Variants in CD163L1 observed in about 807,000 individuals in gnomAD.
CD163L1 encodes scavenger receptor cysteine-rich type 1 protein M160.
Under a neutral mutation model 165.4 loss-of-function variants are expected in CD163L1, and 124 were observed. The ratio of observed to expected loss-of-function variants is 0.75; its 90% CI spans 0.65 to 0.87. The LOEUF is 0.87. Ranked by LOEUF, CD163L1 falls within the 40% of genes least tolerant of loss-of-function variation. CD163L1 has a pLI of 0.00. For missense variants in CD163L1, 1,525 were observed against 1,799.9 expected (o/e 0.85, Z 2.76); for synonymous variants, 585 against 662.2 (o/e 0.88, Z 1.79).
At chr12:7,340,251 A>G in the CD163L1 span, among the ~76,000 whole-genome samples, 1 of 152,160 alleles carries the variant, frequency 6.6e-6, no homozygotes, top group Non-Finnish European at 1.5e-5. Context: ...GAGATAAGTA[A>G]AACAGGGTGA....
chr12:7,333,452 G>C, the CD163L1 span, among the ~76,000 whole-genome samples: 1 of 152,116 alleles, frequency 6.6e-6, no homozygotes, highest in African/African-American at 2.4e-5. Context: ...TGAGAACAAA[G>C]ACACAACATA....
chr12:7,428,624 T>C (rs1382991986), intron 4 of CD163L1, among the ~76,000 whole-genome samples: 1 of 152,058 alleles, frequency 6.6e-6, no homozygotes, highest in Non-Finnish European at 1.5e-5. Flanking sequence ...CATTCTCCCA[T>C]TCAGCTGTAC....
chr12:7,437,324 ATT>A (rs772879851), intron 2 of CD163L1, among the ~76,000 whole-genome samples: 1 of 22,542 alleles, frequency 4.4e-5, no homozygotes, highest in African/African-American at 8.0e-5. Flanking sequence ...TATTATTTTT[ATT>A]TTTATTTTTA....
the CD163L1 span, among the ~76,000 whole-genome samples, chr12:7,334,302 C>T: frequency 4.6e-5 from 7 of 151,910 alleles, 1 homozygote; most frequent in South Asian, 4.2e-4. Context: ...ATGATCAAGT[C>T]GGCTTCATCC....
At chr12:7,380,376 T>TGTATGTGTGTATACGCGTATACATACAC (rs1409740184) in intron 8 of CD163L1, among the ~76,000 whole-genome samples, 15 of 141,002 alleles carry the variant, frequency 1.1e-4, no homozygotes, top group Non-Finnish European at 1.6e-4. Context: ...TATACATACA[T>TGTATGTGTGTATACGCGTATACATACAC]GTATGTGTGT....
intron 4 of CD163L1, among the ~76,000 whole-genome samples, chr12:7,419,353 T>C (rs1460843203): frequency 6.6e-6 from 1 of 152,052 alleles, no homozygotes; most frequent in Non-Finnish European, 1.5e-5. Flanking sequence ...AGAAGGGATA[T>C]AACTTAAGGT....
intron 4 of CD163L1, among the ~76,000 whole-genome samples, chr12:7,413,319 C>T (rs929374685): frequency 6.6e-6 from 1 of 151,966 alleles, no homozygotes; most frequent in Non-Finnish European, 1.5e-5. Context: ...GGAACATTTC[C>T]CAAGAGGCCC....
intron 8 of CD163L1, among the ~76,000 whole-genome samples, chr12:7,393,601 G>C (rs1947708956): frequency 6.6e-6 from 1 of 152,096 alleles, no homozygotes; most frequent in African/African-American, 2.4e-5. Context: ...AGAAATAAAG[G>C]GTATTCAGTT....
chr12:7,348,826 T>TC (rs925947605), intron 4 of CD163L1, among the ~76,000 whole-genome samples: 2 of 151,854 alleles, frequency 1.3e-5, no homozygotes, highest in Non-Finnish European at 2.9e-5. Flanking sequence ...TTTTTTTTTT[T>TC]TCAAAATAAA....
intron 14 of CD163L1, among the ~76,000 whole-genome samples, chr12:7,370,098 C>T (rs185744337): frequency 6.6e-6 from 1 of 152,278 alleles, no homozygotes; most frequent in East Asian, 1.9e-4. Context: ...CTCCAATTAT[C>T]AGTCCTTTCT....
the CD163L1 span, among the ~76,000 whole-genome samples, chr12:7,329,557 C>G: frequency 6.6e-6 from 1 of 151,682 alleles, no homozygotes; most frequent in Admixed American, 6.6e-5. Flanking sequence ...ACATTCTTTC[C>G]TCTATAAAGC....
chr12:7,404,802 A>G (rs1415814860), intron 5 of CD163L1, among the ~76,000 whole-genome samples: 1 of 152,116 alleles, frequency 6.6e-6, no homozygotes, highest in Non-Finnish European at 1.5e-5. Context: ...CCTGTTGAGA[A>G]CTTCCTGGTT....
intron 4 of CD163L1, among the ~76,000 whole-genome samples, chr12:7,411,820 G>A (rs1948143184): frequency 6.6e-6 from 1 of 152,212 alleles, no homozygotes; most frequent in South Asian, 2.1e-4. Flanking sequence ...AAAGCAGGAT[G>A]TATGAAACAT....
At chr12:7,348,766 G>A (rs747417244) in intron 4 of CD163L1, among the ~76,000 whole-genome samples, 1 of 150,448 alleles carries the variant, frequency 6.6e-6, no homozygotes, top group South Asian at 2.1e-4. Context: ...ACTTAGGTTA[G>A]AGGAAAGCTG....
the CD163L1 span, among the ~76,000 whole-genome samples, chr12:7,327,685 A>C: frequency 6.6e-6 from 1 of 152,178 alleles, no homozygotes; most frequent in Non-Finnish European, 1.5e-5. Flanking sequence ...GTTTCAGTCA[A>C]AAAGTAGTTA....
At chr12:7,377,893 A>G (rs1041736772) in intron 9 of CD163L1, among the ~76,000 whole-genome samples, 5 of 152,206 alleles carry the variant, frequency 3.3e-5, no homozygotes, top group Admixed American at 2.0e-4. Flanking sequence ...TTTACATTTT[A>G]TTCCTAGATT....
At chr12:7,345,997 A>C (rs1241551920), downstream of CD163L1, among the ~76,000 whole-genome samples, 2 of 152,180 alleles carry the variant, frequency 1.3e-5, no homozygotes, top group Non-Finnish European at 2.9e-5. Flanking sequence ...CCTATGACCC[A>C]AATACCTCCC....
At chr12:7,333,898 G>C in the CD163L1 span, among the ~76,000 whole-genome samples, 1 of 152,110 alleles carries the variant, frequency 6.6e-6, no homozygotes, top group Non-Finnish European at 1.5e-5. Context: ...AGAAGAAATG[G>C]ATAAATTCCT....
chr12:7,378,006 A>C (rs961782547), intron 9 of CD163L1, among the ~76,000 whole-genome samples: 2 of 152,272 alleles, frequency 1.3e-5, no homozygotes, highest in Admixed American at 6.5e-5. Context: ...AACCCTCTTC[A>C]TTTGATGACT....
Sources: allele counts gnomAD v4.1 joint callset (sites outside exome capture counted in the v4.1 genomes callset), GRCh38; gene constraint gnomAD v4.1.1; transcripts MANE v1.5; gene names NCBI Gene and HGNC (gene_info 2026-07-23, HGNC 2026-07-21).